Variants in SEL1L3 observed in about 807,000 individuals in gnomAD.
SEL1L3 encodes protein sel-1 homolog 3.
A neutral mutation model predicts 142.8 loss-of-function variants in SEL1L3; 76 were observed. That is an observed-to-expected ratio of 0.53 (90% CI 0.44 to 0.64). SEL1L3 has a LOEUF of 0.64. SEL1L3 is among the 30% of genes least tolerant of loss of function. The pLI, the probability that SEL1L3 is intolerant of heterozygous loss-of-function variation, is 0.00. For synonymous variants in SEL1L3, 504 were observed against 519.6 expected (o/e 0.97, Z 0.41); for missense variants, 1,262 against 1,381.7 (o/e 0.91, Z 1.37).
intron 1 of SEL1L3, among the ~76,000 whole-genome samples, chr4:25,859,778 T>C (rs1278346572): frequency 6.6e-6 from 1 of 152,190 alleles, no homozygotes; most frequent in East Asian, 1.9e-4. Flanking sequence ...CAAACCTTTA[T>C]CTCTTCATTA....
intron 1 of SEL1L3, among the ~76,000 whole-genome samples, chr4:25,854,071 T>C (rs139447987): frequency 6.4e-4 from 98 of 152,328 alleles, no homozygotes; most frequent in African/African-American, 2.2e-3. Context: ...AGTGCTATTC[T>C]AAATTTGAGG....
chr4:25,836,165 G>A (rs1256893203), intron 2 of SEL1L3, among the ~76,000 whole-genome samples: 3 of 151,952 alleles, frequency 2.0e-5, no homozygotes, highest in African/African-American at 4.8e-5. Context: ...TCACAAACAC[G>A]AAAGAATTCT....
intron 13 of SEL1L3, among the ~76,000 whole-genome samples, chr4:25,784,561 T>C (rs1331851761): frequency 6.6e-6 from 1 of 152,216 alleles, no homozygotes; most frequent in African/African-American, 2.4e-5. Context: ...CCACAGGTAC[T>C]ACTGGGGGAA....
intron 2 of SEL1L3, among the ~76,000 whole-genome samples, chr4:25,840,377 C>A (rs78393429): frequency 6.6e-6 from 1 of 151,950 alleles, no homozygotes. Context: ...CTTGAATAGT[C>A]CTGCTGCATA....
chr4:25,751,099 G>A (rs1264143606), intron 23 of SEL1L3, among the ~76,000 whole-genome samples: 2 of 152,154 alleles, frequency 1.3e-5, no homozygotes, highest in Non-Finnish European at 1.5e-5. Context: ...TGACGGTCAG[G>A]CTCTGTGATT....
intron 11 of SEL1L3, among the ~76,000 whole-genome samples, chr4:25,797,584 C>A (rs1010764167): frequency 6.6e-6 from 1 of 152,130 alleles, no homozygotes; most frequent in African/African-American, 2.4e-5. Flanking sequence ...GTGCTGCATG[C>A]AAGAGAGGCA....
intron 1 of SEL1L3, among the ~76,000 whole-genome samples, chr4:25,860,844 C>G (rs545720621): frequency 5.4e-4 from 82 of 152,292 alleles, no homozygotes; most frequent in African/African-American, 1.8e-3. Context: ...GGAGCCCTTC[C>G]TCACTCCTTC....
At chr4:25,808,562 C>T (rs942735459) in intron 9 of SEL1L3, among the ~76,000 whole-genome samples, 3 of 151,926 alleles carry the variant, frequency 2.0e-5, no homozygotes, top group African/African-American at 7.3e-5. Flanking sequence ...ATAGGAAAGT[C>T]GTTTTTAGTT....
chr4:25,810,775 G>C (rs1713969140), intron 9 of SEL1L3, among the ~76,000 whole-genome samples: 2 of 152,166 alleles, frequency 1.3e-5, no homozygotes, highest in African/African-American at 4.8e-5. Flanking sequence ...GAATCCCTGT[G>C]CCAAGCAAGA....
At chr4:25,728,099 C>T in the SEL1L3 span, among the ~76,000 whole-genome samples, 30 of 152,244 alleles carry the variant, frequency 2.0e-4, no homozygotes, top group East Asian at 3.9e-4. Flanking sequence ...TGAAGTCCCT[C>T]GTTTTCTTAT....
intron 11 of SEL1L3, among the ~76,000 whole-genome samples, chr4:25,793,672 A>AG (rs1035127916): frequency 1.6e-4 from 25 of 152,184 alleles, no homozygotes; most frequent in African/African-American, 5.3e-4. Context: ...TACTTACCTT[A>AG]GGCCTTGGGC....
chr4:25,847,504 C>A lies in SEL1L3; in HGVS notation c.523G>T (p.Ala175Ser). Reference protein sequence around the residue: ...SISVSAVIVRAWITHKYSGRD... With the variant: ...SISVSAVIVRSWITHKYSGRD... Reference sequence around the variant, plus strand: ...CCACTGTATTTGTGAGTAATCCAGGCGCGTACTATCACTGCAGATACAGAG... The same window carrying A: ...CCACTGTATTTGTGAGTAATCCAGGAGCGTACTATCACTGCAGATACAGAG... Residue 175 changes from alanine to serine, a missense_variant, in exon 2 of 24, where the codon GCC becomes TCC. Physicochemically the swap from Ala to Ser is moderately conservative, Grantham distance 99 (BLOSUM62 1). Transcript: ENST00000399878. The A allele has an allele frequency of 6.2e-7, 1 of 1,613,874 alleles. No homozygotes were observed. Among genetic ancestry groups the A allele is most frequent in the Non-Finnish European group, 8.5e-7 (1 of 1,179,808 alleles).
At chr4:25,830,634 C>T (rs562102590) in intron 5 of SEL1L3, among the ~76,000 whole-genome samples, 4 of 152,160 alleles carry the variant, frequency 2.6e-5, no homozygotes, top group Non-Finnish European at 4.4e-5. Flanking sequence ...AACAGGGACA[C>T]TATTTTTTGT....
chr4:25,853,473 T>C (rs1717035330), intron 1 of SEL1L3, among the ~76,000 whole-genome samples: 1 of 152,202 alleles, frequency 6.6e-6, no homozygotes, highest in Non-Finnish European at 1.5e-5. Context: ...GCACTTGTAA[T>C]GTGGCTGGTC....
the SEL1L3 span, among the ~76,000 whole-genome samples, chr4:25,739,452 A>C: frequency 6.6e-6 from 1 of 152,144 alleles, no homozygotes; most frequent in Non-Finnish European, 1.5e-5. Flanking sequence ...CACGCCTGTA[A>C]TCCCAGCACC....
the SEL1L3 span, among the ~76,000 whole-genome samples, chr4:25,723,481 G>C: frequency 6.6e-6 from 1 of 152,140 alleles, no homozygotes; most frequent in Non-Finnish European, 1.5e-5. Flanking sequence ...TATTGTAACA[G>C]TAGTTTATTT....
chr4:25,799,652 G>A (rs1713040736), intron 11 of SEL1L3, among the ~76,000 whole-genome samples: 1 of 152,152 alleles, frequency 6.6e-6, no homozygotes, highest in Non-Finnish European at 1.5e-5. Flanking sequence ...AAGCTGTTGG[G>A]GGTTGTTGAC....
intron 6 of SEL1L3, among the ~76,000 whole-genome samples, chr4:25,824,008 T>C (rs1403004867): frequency 6.6e-6 from 1 of 152,186 alleles, no homozygotes; most frequent in Non-Finnish European, 1.5e-5. Flanking sequence ...GTCTAGAGAT[T>C]AGTCTCGTCT....
intron 9 of SEL1L3, among the ~76,000 whole-genome samples, chr4:25,817,456 T>C (rs939943132): frequency 7.2e-5 from 11 of 152,242 alleles, no homozygotes; most frequent in Admixed American, 7.2e-4. Flanking sequence ...GAATATGCAC[T>C]GAATTACTAA....
Sources: allele counts gnomAD v4.1 joint callset (sites outside exome capture counted in the v4.1 genomes callset), GRCh38; gene constraint gnomAD v4.1.1; transcripts MANE v1.5; gene names NCBI Gene and HGNC (gene_info 2026-07-23, HGNC 2026-07-21).